The following FADS6 variants were observed in gnomAD, a reference collection of about 807,000 sequenced individuals.
The protein encoded by FADS6 is fatty acid desaturase 6.
Under a neutral mutation model 31.7 loss-of-function variants are expected in FADS6, and 28 were observed. The ratio of observed to expected loss-of-function variants is 0.88; its 90% CI spans 0.66 to 1.21. The LOEUF (loss-of-function observed/expected upper bound fraction) is 1.21. Among genes scored for constraint, FADS6 ranks in the 50% most tolerant of loss-of-function variants. FADS6 has a pLI of 0.00. For missense variants in FADS6, 494 were observed against 504.2 expected, an observed-to-expected ratio of 0.98 and a Z score of 0.19; for synonymous variants, 191 against 213.1, an observed-to-expected ratio of 0.90 and a Z score of 0.90.
intron 2 of FADS6, among the ~76,000 whole-genome samples, chr17:74,884,705 G>T (rs1346873968): frequency 2.2e-5 from 2 of 89,308 alleles, no homozygotes; most frequent in Admixed American, 1.2e-4. Context: ...ACTTTTCAAT[G>T]ACCAGATCCT....
rs749552351 is a variant in FADS6 at position 74,892,518 on chromosome 17, C to A, written c.411+5G>T. 6.2e-7 allele frequency: 1 copy of A among 1,610,740 alleles called. No individual in the cohort carries two copies. Among genetic ancestry groups the A allele is most frequent in the Admixed American group, 1.7e-5 (1 of 59,584 alleles). ...CTGCCTGCATCCTCCTTCTCCCAGG[C>A]TCACCTCCACAAAGAAAAGCAGCCA... On this transcript the variant is annotated splice_donor_5th_base_variant and intron_variant, in intron 2 of 5. Coordinates refer to ENST00000612771, the MANE Select transcript of FADS6 (RefSeq NM_178128.6).
At chr17:74,888,380 C>A (rs922707414) in intron 2 of FADS6, among the ~76,000 whole-genome samples, 4 of 151,922 alleles carry the variant, frequency 2.6e-5, no homozygotes, top group African/African-American at 9.7e-5. Flanking sequence ...CAAATAAATA[C>A]TAAAAATTAA....
At position 74,888,165 on chromosome 17, in the gene FADS6, C is replaced by T. The variant is rs985783864; in HGVS notation, c.411+4358G>A. 7.6e-4 allele frequency among the ~76,000 whole-genome samples: 106 copies of T among 139,938 alleles called. 1 individual carries two copies. The South Asian group carries it at 0.022, about 29-fold the overall frequency. The allele number at this position is 139,938 out of a possible 152,430, so 91.8% of individuals were successfully genotyped here. A position where few individuals can be genotyped will look rare whatever the true frequency, so the allele number is the denominator to read the frequency against. On this transcript the variant is annotated intron_variant, in intron 2 of 5. Transcript: ENST00000612771. ...ACACACACACACACACGCGCGCGCGCGCGCGCGCAGAGTACCAATGTCCGT... is the reference window on the plus strand; with the variant it reads ...ACACACACACACACACGCGCGCGCGTGCGCGCGCAGAGTACCAATGTCCGT...
rs549505794 is a variant in FADS6 at position 74,892,425 on chromosome 17, G to A, written c.411+98C>T. 1.6e-4 allele frequency: 224 copies of A among 1,428,442 alleles called. No individual in the cohort carries two copies. The South Asian group carries it at 2.7e-3, about 17-fold the overall frequency. The allele number at this position is 1,428,442 out of a possible 1,614,324, so 88.5% of individuals were successfully genotyped here. A position where few individuals can be genotyped will look rare whatever the true frequency, so the allele number is the denominator to read the frequency against. On this transcript the variant is annotated intron_variant, in intron 2 of 5. Coordinates refer to ENST00000612771, the MANE Select transcript of FADS6 (RefSeq NM_178128.6). Reference sequence around the variant, plus strand: ...CAGCTGCAGCGGCCTGCCCCCGTGGGCACATGCACAGCTGGACACACCCGC... The same window carrying A: ...CAGCTGCAGCGGCCTGCCCCCGTGGACACATGCACAGCTGGACACACCCGC...
In FADS6 at chr17:74,879,572, C is replaced by T. The variant is rs1250030061; in HGVS notation, c.792G>A (p.Leu264=). ...LHVNIFQHIG[L]PMFSRDNKPR... ...GCTTGTTGTCCCGGGAGAACATGGG[C>T]AGTCCGATGTGCTGTGACAGACACG... Residue 264 remains leucine (L), a synonymous_variant, in exon 5 of 6, where the codon CTG becomes CTA. Transcript: ENST00000612771. 1.9e-6 allele frequency: 3 copies of T among 1,612,058 alleles called. No homozygotes were observed. Among genetic ancestry groups the T allele is most frequent in the South Asian group, 2.2e-5 (2 of 90,946 alleles).
At chr17:74,889,870 CAAA>C (rs59381032) in intron 2 of FADS6, among the ~76,000 whole-genome samples, 1 of 53,522 alleles carries the variant, frequency 1.9e-5, no homozygotes, top group African/African-American at 7.0e-5. Context: ...GACTCAGTCT[CAAA>C]AAAAAAAAAA....
At position 74,893,377 on chromosome 17, in the gene FADS6, C is replaced by G. The variant is rs781704904; in HGVS notation, c.219G>C (p.Ala73=). Residue 73 remains alanine (A), a synonymous_variant, in exon 1 of 6, where the codon GCG becomes GCC. Transcript: ENST00000612771. Reference sequence around the variant, plus strand: ...CTGCCGGCAAGGCGAAGAGGCTGAGCGCGAGGATGGCGCAGTCCACGCCGT... The same window carrying G: ...CTGCCGGCAAGGCGAAGAGGCTGAGGGCGAGGATGGCGCAGTCCACGCCGT... ...ERHGVDCAIL[A]LSLFALPAGF... 2.6e-6 allele frequency: 4 copies of G among 1,530,888 alleles called. No homozygotes were observed. Among genetic ancestry groups the G allele is most frequent in the Non-Finnish European group, 3.5e-6 (4 of 1,141,586 alleles). 94.8% of individuals were successfully genotyped at this position (1,530,888 alleles called of 1,614,324 possible). A position where few individuals can be genotyped will look rare whatever the true frequency, so the allele number is the denominator to read the frequency against.
intron 2 of FADS6, among the ~76,000 whole-genome samples, chr17:74,890,994 T>C (rs900458513): frequency 2.0e-5 from 3 of 152,110 alleles, no homozygotes; most frequent in African/African-American, 7.2e-5. Context: ...TGAGAACCAC[T>C]AGGTTACCTC....
intron 2 of FADS6, among the ~76,000 whole-genome samples, chr17:74,886,498 T>G (rs1479538390): frequency 8.1e-6 from 1 of 124,172 alleles, no homozygotes; most frequent in African/African-American, 3.1e-5. Context: ...AAGAGGAAAA[T>G]ATTAGAGAAG....
At chr17:74,889,041 G>A (rs976473104) in intron 2 of FADS6, among the ~76,000 whole-genome samples, 1 of 152,292 alleles carries the variant, frequency 6.6e-6, no homozygotes, top group South Asian at 2.1e-4. Flanking sequence ...ACTTTCCTAT[G>A]TGGAACACAA....
Position 74,882,537 on chromosome 17 carries a change from C to T in FADS6, c.585G>A (p.Val195=). The part of the protein sequence containing the change: ...PFLLPIATPL[V]AVERLRKVEL... ...GGCTCTCATGGCACTCACCGACAGC[C>T]ACCAGTGGAGTGGCGATGGGGAGGA... The change falls in exon 3 of 6, where the codon GTG becomes GTA. Residue 195 remains valine, a synonymous_variant. Coordinates refer to ENST00000612771, the MANE Select transcript of FADS6 (RefSeq NM_178128.6). The T allele has an allele frequency of 6.2e-7, 1 of 1,609,704 alleles. No individual in the cohort carries two copies. The highest frequency in any genetic ancestry group is 8.5e-7 in the Non-Finnish European group (1 of 1,177,954).
chr17:74,891,131 T>TTTTG (rs2038683913), intron 2 of FADS6, among the ~76,000 whole-genome samples: 1 of 149,832 alleles, frequency 6.7e-6, no homozygotes, highest in Non-Finnish European at 1.5e-5. Context: ...TTTTTTTTTT[T>TTTTG]GAGACAGAGT....
At chr17:74,893,254 C>T (rs1432822651) in intron 1 of FADS6, 98 bp downstream of exon 1, 1 of 1,334,482 alleles carries the variant, frequency 7.5e-7, no homozygotes, top group African/African-American at 1.5e-5. Flanking sequence ...GCAGGCTGCA[C>T]TCCCACGGCT....
intron 2 of FADS6, among the ~76,000 whole-genome samples, chr17:74,889,391 CAGAAAT>C (rs1438792438): frequency 1.3e-5 from 2 of 152,044 alleles, no homozygotes; most frequent in Non-Finnish European, 2.9e-5. Context: ...GGAGGAGAGT[CAGAAAT>C]CCAGGAAGGG....
intron 2 of FADS6, among the ~76,000 whole-genome samples, chr17:74,892,003 C>A (rs568603165): frequency 6.6e-6 from 1 of 152,120 alleles, no homozygotes; most frequent in Non-Finnish European, 1.5e-5. Context: ...CCTGGGCGTG[C>A]CCGAAGGTAA....
chr17:74,884,605 C>T (rs2038604886), intron 2 of FADS6, among the ~76,000 whole-genome samples: 1 of 152,112 alleles, frequency 6.6e-6, no homozygotes, highest in Non-Finnish European at 1.5e-5. Flanking sequence ...TCGTGACAAC[C>T]GTGGCAGAAG....
At position 74,878,480 on chromosome 17, in the gene FADS6, G is replaced by A. The variant is rs183462420; in HGVS notation, c.961-3C>T. 2.5e-5 allele frequency: 40 copies of A among 1,613,694 alleles called. No homozygotes were observed. The East Asian group carries it at 8.5e-4, about 34-fold the overall frequency. ...AACTGGGACACCACGGGCTTCACCT[G>A]GTGGAAGATGGGCAGGAGAGGGCCT... On this transcript the variant is annotated splice_region_variant and splice_polypyrimidine_tract_variant and intron_variant, in intron 5 of 5. Transcript: ENST00000612771.
chr17:74,886,015 G>A (rs973254702), intron 2 of FADS6, among the ~76,000 whole-genome samples: 16 of 152,132 alleles, frequency 1.1e-4, no homozygotes, highest in South Asian at 2.1e-4. Flanking sequence ...CGAGGCGGGC[G>A]GATCACGAGA....
downstream of FADS6, among the ~76,000 whole-genome samples, chr17:74,876,457 A>G (rs2038509008): frequency 1.3e-5 from 2 of 152,144 alleles, no homozygotes; most frequent in African/African-American, 4.8e-5. Flanking sequence ...CTAAACATCC[A>G]ACAATGCACA....
Sources: allele counts gnomAD v4.1 joint callset (sites outside exome capture counted in the v4.1 genomes callset), GRCh38; gene constraint gnomAD v4.1.1; transcripts MANE v1.5; gene names NCBI Gene and HGNC (gene_info 2026-07-23, HGNC 2026-07-21).